Variants in RP1 observed in about 807,000 individuals in gnomAD.
RP1 encodes RP1 axonemal microtubule associated, also known as oxygen-regulated protein 1.
Under a neutral mutation model 14.8 loss-of-function variants are expected in RP1, and 16 were observed. The observed-to-expected ratio is 1.08, with a 90% CI of 0.73 to 1.65. The LOEUF (loss-of-function observed/expected upper bound fraction) is 1.65, where lower values mean the gene tolerates loss of function less well. Among genes scored for constraint, RP1 ranks in the 40% most tolerant of loss-of-function variants. RP1 has a pLI of 0.00. For synonymous variants in RP1, 876 were observed against 883.6 expected (o/e 0.99, Z 0.15); for missense variants, 2,631 against 2,535.0 (o/e 1.04, Z -0.81).
rs780108007 is a variant in RP1, at chr8:54,626,345, T to C, written c.2463T>C (p.His821=). The part of the protein sequence containing the change: ...KSTFENKSLF[H]VFNILEQKPK... ...CTTTTGAAAACAAAAGTTTATTTCA[T>C]GTATTTAACATCCTTGAGCAAAAAC... is the stretch of plus-strand genomic sequence containing the variant. The change falls in exon 4 of 4, where the codon CAT becomes CAC. Residue 821 remains histidine (H), a synonymous_variant. Transcript: ENST00000220676. The C allele has an allele frequency of 8.7e-6, 14 of 1,613,536 alleles. No homozygotes were observed. The highest frequency in any genetic ancestry group is 1.7e-5 in the Admixed American group (1 of 59,952).
chr8:54,703,066 A>G (rs1428635382), intron 14 of RP1, among the ~76,000 whole-genome samples: 2 of 152,132 alleles, frequency 1.3e-5, no homozygotes, highest in African/African-American at 2.4e-5. Context: ...CGAGGTTTCA[A>G]ATCAAATTCT....
intron 6 of RP1, among the ~76,000 whole-genome samples, chr8:54,658,531 A>G (rs2129328056): frequency 7.3e-6 from 1 of 137,760 alleles, no homozygotes; most frequent in East Asian, 2.2e-4. Context: ...AGCCTGGGCG[A>G]CAGAGCGAGA....
At chr8:54,691,292 G>A (rs898145154) in intron 12 of RP1, among the ~76,000 whole-genome samples, 11 of 152,020 alleles carry the variant, frequency 7.2e-5, no homozygotes, top group African/African-American at 2.2e-4. Context: ...AATTGGCAGG[G>A]CTTGGTGATA....
At chr8:54,813,532 C>T (rs185620157) in intron 24 of RP1, among the ~76,000 whole-genome samples, 20 of 152,356 alleles carry the variant, frequency 1.3e-4, no homozygotes, top group African/African-American at 3.6e-4. Context: ...AACTTTTCCA[C>T]TCCATGGATA....
chr8:54,821,733 C>T (rs951102120), intron 24 of RP1, among the ~76,000 whole-genome samples: 1 of 152,126 alleles, frequency 6.6e-6, no homozygotes, highest in Non-Finnish European at 1.5e-5. Context: ...ATTGTCACCG[C>T]TAAGTACCCC....
intron 18 of RP1, among the ~76,000 whole-genome samples, chr8:54,736,872 CTGGCCTAGGGGTTAA>C (rs1808941681): frequency 6.6e-6 from 1 of 152,108 alleles, no homozygotes; most frequent in Non-Finnish European, 1.5e-5. Flanking sequence ...TTGAGAAGCA[CTGGCCTAGGGGTTAA>C]TGGGCACTCA....
rs140137224 is a variant in RP1, at chr8:54,629,687, T to G, written c.5805T>G (p.Phe1935Leu). Residue 1935 changes from phenylalanine to leucine, a missense_variant, in exon 4 of 4, where the codon TTT (phenylalanine) becomes TTG (leucine). By Grantham distance (22) the Phe-to-Leu change is conservative. Coordinates refer to ENST00000220676, the MANE Select transcript of RP1 (RefSeq NM_006269.2). ...CCATGAATGAGGAAGACCGAGGATT[T>G]GCATATCGCAAAGAATCTGATATTG... The part of the protein sequence containing the change: ...IQPMNEEDRG[F>L]AYRKESDIEN... The G allele has an allele frequency of 2.3e-4, 378 of 1,613,720 alleles. No homozygotes were observed. Among genetic ancestry groups the G allele is most frequent in the Non-Finnish European group, 2.9e-4 (347 of 1,179,888 alleles).
intron 12 of RP1, among the ~76,000 whole-genome samples, chr8:54,691,323 G>A (rs1371307780): frequency 6.6e-6 from 1 of 152,000 alleles, no homozygotes; most frequent in Non-Finnish European, 1.5e-5. Flanking sequence ...GGAATGTTAA[G>A]GGAAAAGGAT....
intron 28 of RP1, among the ~76,000 whole-genome samples, chr8:54,869,345 C>T (rs1424797598): frequency 2.0e-5 from 3 of 152,090 alleles, no homozygotes; most frequent in Admixed American, 6.6e-5. Flanking sequence ...AATTTTTATA[C>T]TGATTACATG....
At chr8:54,681,467 T>C (rs956191896) in intron 12 of RP1, among the ~76,000 whole-genome samples, 5 of 149,582 alleles carry the variant, frequency 3.3e-5, no homozygotes, top group African/African-American at 5.0e-5. Context: ...ATATTTTCTA[T>C]TTTTATTTTT....
intron 15 of RP1, among the ~76,000 whole-genome samples, chr8:54,719,344 C>A (rs1357837270): frequency 6.6e-6 from 1 of 151,980 alleles, no homozygotes; most frequent in Non-Finnish European, 1.5e-5. Context: ...TTATAAAAAG[C>A]GAGAGAGAAA....
rs1026089312 is a variant in RP1, at chr8:54,786,516, T to C, written c.3615+2806T>C. ...GCCAGTTTTCAAGACTATTGTGGAGTTGGGGAGGGTGGTAGAGAGCAGATC... is the reference window on the plus strand; with the variant it reads ...GCCAGTTTTCAAGACTATTGTGGAGCTGGGGAGGGTGGTAGAGAGCAGATC... On this transcript the variant is annotated intron_variant, in intron 24 of 28. Transcript: ENST00000637698. Among the ~76,000 whole-genome samples, 15 of 151,946 alleles carry C rather than the reference T, an allele frequency of 9.9e-5. 1 individual carries two copies. The highest frequency in any genetic ancestry group is 6.8e-3 in the Middle Eastern group (2 of 294).
At chr8:54,606,935 A>C (rs536028584) in intron 1 of RP1, among the ~76,000 whole-genome samples, 1 of 143,352 alleles carries the variant, frequency 7.0e-6, no homozygotes, top group East Asian at 1.9e-4. Flanking sequence ...TATTCTAGTT[A>C]TCCATTCGTC....
At chr8:54,592,640 G>T (rs943476842) in intron 1 of RP1, among the ~76,000 whole-genome samples, 1 of 152,184 alleles carries the variant, frequency 6.6e-6, no homozygotes. Context: ...TATTTTGGCA[G>T]CTGGCACCAG....
chr8:54,750,279 C>CT (rs1809325092), intron 19 of RP1, among the ~76,000 whole-genome samples: 2 of 152,164 alleles, frequency 1.3e-5, no homozygotes, highest in Non-Finnish European at 2.9e-5. Flanking sequence ...TACCTGATCA[C>CT]TTTTAATGTT....
At chr8:54,815,438 C>T (rs1024212480) in intron 24 of RP1, among the ~76,000 whole-genome samples, 10 of 152,184 alleles carry the variant, frequency 6.6e-5, no homozygotes, top group African/African-American at 2.4e-4. Context: ...AAGGAGTACA[C>T]TTTAAATATT....
chr8:54,770,761 C>A (rs1056557829), downstream of RP1, among the ~76,000 whole-genome samples: 2 of 151,428 alleles, frequency 1.3e-5, no homozygotes, highest in Non-Finnish European at 3.0e-5. Context: ...TTTATATTAA[C>A]TTCTTTTAAT....
Position 54,732,634 on chromosome 8 carries a change from T to C in RP1, c.2522-1911T>C, listed in dbSNP as rs577349790. Reference sequence around the variant, plus strand: ...TCAGCCATTGACCTAGGATCACCAGTTTCTCTCTGGAACTCATGGATGTGC... The same window carrying C: ...TCAGCCATTGACCTAGGATCACCAGCTTCTCTCTGGAACTCATGGATGTGC... On this transcript the variant is annotated intron_variant, in intron 17 of 22. Transcript: ENST00000636932. Among the ~76,000 whole-genome samples the C allele has an allele frequency of 1.4e-4, 22 of 152,266 alleles. No individual in the cohort carries two copies. In the South Asian group the frequency reaches 4.1e-3, roughly 29 times the overall value.
chr8:54,629,716 A>T lies in RP1; in HGVS notation c.5834A>T (p.Asn1945Ile), dbSNP rs1296727662. ...TATCGCAAAGAATCTGATATTGAAA[A>T]TTTCTTGGGTTTTTATTTATGGATG... Reference protein sequence around the residue: ...FAYRKESDIENFLGFYLWMKI... With the variant: ...FAYRKESDIEIFLGFYLWMKI... Residue 1945 changes from asparagine (N) to isoleucine (I), a missense_variant, in exon 4 of 4, where the codon AAT becomes ATT. Transcript: ENST00000220676. The T allele has an allele frequency of 1.2e-6, 2 of 1,612,116 alleles. No homozygotes were observed. Among genetic ancestry groups the T allele is most frequent in the Admixed American group, 3.3e-5 (2 of 59,772 alleles).
Sources: gnomAD v4.1 joint callset for allele counts (sites outside exome capture counted in the v4.1 genomes callset) on GRCh38, gnomAD v4.1.1 for gene constraint, MANE v1.5 for transcripts, NCBI Gene and HGNC (gene_info 2026-07-23, HGNC 2026-07-21) for gene names.